SHANK1: variants seen among roughly 807,000 people sequenced by gnomAD.
SHANK1 encodes SH3 and multiple ankyrin repeat domains protein 1.
A neutral mutation model predicts 165.6 loss-of-function variants in SHANK1; 35 were observed. The observed-to-expected ratio is 0.21, with a 90% CI of 0.16 to 0.28. The LOEUF (loss-of-function observed/expected upper bound fraction) is 0.28. SHANK1 is among the 10% of genes least tolerant of loss of function. The probability of loss-of-function intolerance (pLI) is 1.00; values close to 1 mark genes in which losing one functional copy is unlikely to be tolerated. For missense variants in SHANK1, 2,681 were observed against 3,036.4 expected (o/e 0.88, Z 2.75); for synonymous variants, 1,428 against 1,384.8 (o/e 1.03, Z -0.69).
intron 12 of SHANK1, among the ~76,000 whole-genome samples, chr19:50,701,770 C>T (rs148888235): frequency 1.2e-3 from 185 of 152,258 alleles, no homozygotes; most frequent in African/African-American, 3.9e-3. Flanking sequence ...GCCACACCTG[C>T]GGCACGTGGT....
intron 15 of SHANK1, among the ~76,000 whole-genome samples, chr19:50,692,561 C>G (rs1363307751): frequency 1.3e-5 from 2 of 151,352 alleles, no homozygotes; most frequent in South Asian, 4.2e-4. Context: ...TTCTCAACCA[C>G]CCCCTATCCT....
chr19:50,685,691 T>A (rs1053245591), intron 21 of SHANK1, among the ~76,000 whole-genome samples: 3 of 151,718 alleles, frequency 2.0e-5, no homozygotes, highest in African/African-American at 7.3e-5. Context: ...CCCACTGCAC[T>A]CCAGCCTGGG....
intron 8 of SHANK1, among the ~76,000 whole-genome samples, chr19:50,708,766 A>G (rs2123190622): frequency 6.6e-6 from 1 of 152,356 alleles, no homozygotes; most frequent in Non-Finnish European, 1.5e-5. Context: ...GGCTGACCCC[A>G]TCATTCATTC....
At position 50,661,833 on chromosome 19, in the gene SHANK1, G is replaced by T; in HGVS notation, c.*132C>A. 1 of 1,010,242 alleles carries T rather than the reference G, an allele frequency of 9.9e-7. No homozygotes were observed. The highest frequency in any genetic ancestry group is 1.5e-6 in the Non-Finnish European group (1 of 676,958). The allele number at this position is 1,010,242 out of a possible 1,614,324, so 62.6% of individuals were successfully genotyped here. A position where few individuals can be genotyped will look rare whatever the true frequency, so the allele number is the denominator to read the frequency against. On this transcript the variant is annotated 3_prime_UTR_variant, in exon 24 of 24. Transcript: ENST00000293441. The stretch of plus-strand genomic sequence containing the variant: ...GGGCCACCTGGTGACCTCTGGCCTT[G>T]GGAGATGAGGGCAGGGCGCAGTTTG...
rs1985117211 is a variant in SHANK1, at chr19:50,659,768, T to TC, written c.*2196dup. Among the ~76,000 whole-genome samples the TC allele has an allele frequency of 2.2e-5, 1 of 46,416 alleles. No homozygotes were observed. Among genetic ancestry groups the TC allele is most frequent in the African/African-American group, 9.2e-5 (1 of 10,920 alleles). The allele number at this position is 46,416 out of a possible 152,430, so 30.5% of individuals were successfully genotyped here. A position where few individuals can be genotyped will look rare whatever the true frequency, so the allele number is the denominator to read the frequency against. ...CCTCCCCACTCCCCACCCCGACCTC[T>TC]CCTCCCCCCCCCACCCCCTACACCC... On this transcript the variant is annotated 3_prime_UTR_variant, in exon 24 of 24. Transcript: ENST00000293441.
chr19:50,663,601 G>A (rs1381710254), intron 23 of SHANK1, among the ~76,000 whole-genome samples: 1 of 152,102 alleles, frequency 6.6e-6, no homozygotes, highest in Non-Finnish European at 1.5e-5. Context: ...GAGCCCTGTG[G>A]AGTTGCACAG....
rs755765556 is a variant in SHANK1 at position 50,697,202 on chromosome 19, C to A, written c.1938-80G>T. The A allele has an allele frequency of 3.0e-5, 48 of 1,603,540 alleles. No individual in the cohort carries two copies. Among genetic ancestry groups the A allele is most frequent in the Non-Finnish European group, 4.0e-5 (47 of 1,170,934 alleles). On this transcript the variant is annotated intron_variant, in intron 14 of 23. Transcript: ENST00000293441. This position sits in a 1 kb window ranked among gnomAD's most constrained non-coding sequence, Gnocchi z 4.7. ...TCTCCTCACCCCAATCCCACCCAGC[C>A]CTGACTGCACCCTCCCCACACCGGT... is the stretch of plus-strand genomic sequence containing the variant.
At position 50,716,428 on chromosome 19, in the gene SHANK1, C is replaced by T. The variant is rs758852196; in HGVS notation, c.306G>A (p.Gln102=). Residue 102 remains glutamine (Q), a synonymous_variant, in exon 3 of 24, where the codon CAG becomes CAA. Coordinates refer to ENST00000293441, the MANE Select transcript of SHANK1 (RefSeq NM_016148.5). The surrounding 1 kb of genome is among the most constrained non-coding windows in gnomAD (Gnocchi z 8.4). ...GGCTCTCGCTCAGGGCACAGAGCACCTGCTGCTTGGCCGTCCAGATGGTGG... is the reference window on the plus strand; with the variant it reads ...GGCTCTCGCTCAGGGCACAGAGCACTTGCTGCTTGGCCGTCCAGATGGTGG... ...PDATIWTAKQ[Q]VLCALSESLQ... is the part of the protein sequence containing the mutation. The T allele has an allele frequency of 9.9e-6, 16 of 1,614,098 alleles. No individual in the cohort carries two copies. The highest frequency in any genetic ancestry group is 1.3e-5 in the Non-Finnish European group (15 of 1,180,042).
At chr19:50,676,654 G>A (rs893885327) in intron 21 of SHANK1, among the ~76,000 whole-genome samples, 1 of 152,148 alleles carries the variant, frequency 6.6e-6, no homozygotes, top group Non-Finnish European at 1.5e-5. Context: ...ACTGATGACA[G>A]TTTGGAGTCA....
In SHANK1 at chr19:50,718,723, T is replaced by TGGAGGCGGAG. The variant is rs1302960121; in HGVS notation, c.-44+673_-44+682dup. Among the ~76,000 whole-genome samples, 3 of 73,102 alleles carry TGGAGGCGGAG rather than the reference T, an allele frequency of 4.1e-5. No individual in the cohort carries two copies. In the East Asian group the frequency reaches 1.3e-3, roughly 32 times the overall value. The allele number at this position is 73,102 out of a possible 152,430, so 48.0% of individuals were successfully genotyped here. A position where few individuals can be genotyped will look rare whatever the true frequency, so the allele number is the denominator to read the frequency against. ...CGAGAGCGGGGCCGGGGAGAATGAATGGAGGCGGAGGGAGGCGGGGAGGGG... is the reference window on the plus strand; with the variant it reads ...CGAGAGCGGGGCCGGGGAGAATGAATGGAGGCGGAGGGAGGCGGAGGGAGGCGGGGAGGGG... On this transcript the variant is annotated intron_variant, in intron 1 of 23. Coordinates refer to ENST00000293441, the MANE Select transcript of SHANK1 (RefSeq NM_016148.5). The surrounding 1 kb of genome is among the most constrained non-coding windows in gnomAD (Gnocchi z 5.1).
Position 50,703,757 on chromosome 19 carries a change from CGGGGGCACCGTCAGCCCTGTGCCTG to C in SHANK1, c.1271_1295del (p.Pro424ArgfsTer131). The C allele has an allele frequency of 7.0e-7, 1 of 1,432,840 alleles. No homozygotes were observed. Among genetic ancestry groups the C allele is most frequent in the Non-Finnish European group, 9.1e-7 (1 of 1,097,668 alleles). 88.8% of individuals were successfully genotyped at this position (1,432,840 alleles called of 1,614,324 possible). ...TGTCACTGTTGGCCCGCAGCAGCGCCGGGGGCACCGTCAGCCCTGTGCCTGGGGGCCCCCGTCGCCGGGCCGCGTA... is the reference window on the plus strand; with the variant it reads ...TGTCACTGTTGGCCCGCAGCAGCGCCGGGGCCCCCGTCGCCGGGCCGCGTA... On this transcript the variant is annotated frameshift_variant, in exon 11 of 24. Transcript: ENST00000293441. LOFTEE classifies it high-confidence loss of function.
Position 50,717,088 on chromosome 19 carries a change from C to T in SHANK1, c.-43-126G>A. The T allele has an allele frequency of 1.4e-6, 1 of 740,062 alleles. No homozygotes were observed. The highest frequency in any genetic ancestry group is 3.8e-5 in the South Asian group (1 of 26,042). The allele number at this position is 740,062 out of a possible 1,614,324, so 45.8% of individuals were successfully genotyped here. On this transcript the variant is annotated intron_variant, in intron 1 of 23. Transcript: ENST00000293441. The surrounding 1 kb of genome is among the most constrained non-coding windows in gnomAD (Gnocchi z 5.5). ...CTGCCCAAGATAGGCAGGAAGGAGG[C>T]TGGACACACCCTCGGCCTGCACGGC...
intron 15 of SHANK1, among the ~76,000 whole-genome samples, chr19:50,696,505 T>G (rs1160664074): frequency 6.6e-6 from 1 of 151,872 alleles, no homozygotes; most frequent in Non-Finnish European, 1.5e-5. Flanking sequence ...AAGGGGACTC[T>G]TCCCTGGATT....
chr19:50,684,735 G>C (rs1986281908), intron 21 of SHANK1, among the ~76,000 whole-genome samples: 1 of 152,074 alleles, frequency 6.6e-6, no homozygotes, highest in African/African-American at 2.4e-5. Context: ...ATCCCCAGTA[G>C]GAATCACAGA....
At position 50,662,275 on chromosome 19, in the gene SHANK1, G is replaced by A. The variant is rs571797572; in HGVS notation, c.6176C>T (p.Pro2059Leu). 2.2e-5 allele frequency: 35 copies of A among 1,612,078 alleles called. No homozygotes were observed. Among genetic ancestry groups the A allele is most frequent in the East Asian group, 6.7e-5 (3 of 44,830 alleles). The change falls in exon 24 of 24, where the codon CCG becomes CTG. Residue 2059 changes from proline (P) to leucine (L), a missense_variant. By Grantham distance (98) the Pro-to-Leu change is moderately conservative (BLOSUM62 -3). This residue lies in a region of SHANK1 where 1,713 missense variants were observed against 1,630.2 expected (regional missense o/e 1.05). Transcript: ENST00000293441. This position sits in a 1 kb window ranked among gnomAD's most constrained non-coding sequence, Gnocchi z 7.7. ...PFAPVFVPPHPGISGGLGGAL... is the reference protein window; with the variant it reads ...PFAPVFVPPHLGISGGLGGAL... Reference sequence around the variant, plus strand: ...TCCCCCGAGCCCCCCGGATATCCCCGGGTGTGGCGGCACAAAGACTGGGGC... The same window carrying A: ...TCCCCCGAGCCCCCCGGATATCCCCAGGTGTGGCGGCACAAAGACTGGGGC...
At chr19:50,712,994 G>A (rs1568445633) in intron 6 of SHANK1, among the ~76,000 whole-genome samples, 1 of 152,176 alleles carries the variant, frequency 6.6e-6, no homozygotes, top group Non-Finnish European at 1.5e-5. Context: ...GAGTGTGCAT[G>A]GGAGATACAT....
At chr19:50,671,960 G>T in intron 22 of SHANK1, 58 bp downstream of exon 22, 1 of 1,280,268 alleles carries the variant, frequency 7.8e-7, no homozygotes, top group Non-Finnish European at 1.1e-6. Context: ...TGCTTTTCCT[G>T]AACTGTCACG....
chr19:50,694,307 G>A (rs1986650927), intron 15 of SHANK1, among the ~76,000 whole-genome samples: 1 of 151,844 alleles, frequency 6.6e-6, no homozygotes, highest in Admixed American at 6.6e-5. Context: ...GGAGGGGAGG[G>A]GAAGCCGGGG....
chr19:50,704,175 A>G lies in SHANK1; in HGVS notation c.1167T>C (p.Ile389=), dbSNP rs1316382928. The G allele has an allele frequency of 1.9e-6, 3 of 1,612,980 alleles. No homozygotes were observed. The highest frequency in any genetic ancestry group is 2.5e-6 in the Non-Finnish European group (3 of 1,179,760). ...GCTCCCCCAGCTCAAAATTCCCAGCAATCACTGCCACCTGGAGGGAGGGGG... is the reference window on the plus strand; with the variant it reads ...GCTCCCCCAGCTCAAAATTCCCAGCGATCACTGCCACCTGGAGGGAGGGGG... ...NGQTPFQVAV[I]AGNFELGELI... Residue 389 remains isoleucine (I), a synonymous_variant, in exon 10 of 24, where the codon ATT becomes ATC. Transcript: ENST00000293441.
Sources: allele counts gnomAD v4.1 joint callset (sites outside exome capture counted in the v4.1 genomes callset), GRCh38; gene constraint gnomAD v4.1.1; regional missense constraint gnomAD v4.1.1; non-coding constraint Gnocchi (gnomAD v3.1); transcripts MANE v1.5; gene names NCBI Gene and HGNC (gene_info 2026-07-23, HGNC 2026-07-21).